The following TUSC3 variants were observed in gnomAD, a reference collection of about 807,000 sequenced individuals.
TUSC3 encodes tumor suppressor candidate 3.
TUSC3 carries 45 observed loss-of-function variants against 44.8 expected under a neutral mutation model. The ratio of observed to expected loss-of-function variants is 1.00; its 90% CI spans 0.79 to 1.29. The LOEUF (loss-of-function observed/expected upper bound fraction) is 1.29. Among genes scored for constraint, TUSC3 ranks in the 50% most tolerant of loss-of-function variants. The pLI is 0.00. For missense variants in TUSC3, 519 were observed against 437.9 expected (o/e 1.19, Z -1.65); for synonymous variants, 212 against 152.9 (o/e 1.39, Z -2.85).
At chr8:15,424,710 C>T (rs958434463) in intron 1 of TUSC3, among the ~76,000 whole-genome samples, 9 of 152,042 alleles carry the variant, frequency 5.9e-5, no homozygotes, top group Admixed American at 2.0e-4. Context: ...GAAACCCCGT[C>T]TCTACTAAAA....
intron 1 of TUSC3, among the ~76,000 whole-genome samples, chr8:15,465,284 A>T (rs993252849): frequency 2.0e-5 from 3 of 152,206 alleles, no homozygotes; most frequent in African/African-American, 7.2e-5. Flanking sequence ...TCTTAGTGTA[A>T]GGATAGAAGT....
intron 1 of TUSC3, among the ~76,000 whole-genome samples, chr8:15,459,875 T>TACATAC (rs1554503595): frequency 4.7e-5 from 7 of 148,178 alleles, no homozygotes; most frequent in Admixed American, 3.3e-4. Flanking sequence ...TGTGTGTGTG[T>TACATAC]ATACATACAT....
intron 2 of TUSC3, among the ~76,000 whole-genome samples, chr8:15,495,198 T>A (rs1285600761): frequency 6.6e-6 from 1 of 152,196 alleles, no homozygotes; most frequent in East Asian, 1.9e-4. Flanking sequence ...ACCCTTTAGA[T>A]AATAAAGAGT....
At chr8:15,466,409 T>A (rs1800415141) in intron 1 of TUSC3, among the ~76,000 whole-genome samples, 1 of 152,160 alleles carries the variant, frequency 6.6e-6, no homozygotes, top group Non-Finnish European at 1.5e-5. Context: ...GTTAATCTGG[T>A]ATTTTGAAAT....
chr8:15,716,832 A>T (rs1810079389), intron 6 of TUSC3, among the ~76,000 whole-genome samples: 1 of 152,082 alleles, frequency 6.6e-6, no homozygotes, highest in Non-Finnish European at 1.5e-5. Context: ...TCTACTATTT[A>T]TACGATTTTT....
intron 1 of TUSC3, among the ~76,000 whole-genome samples, chr8:15,469,623 G>A (rs1023033242): frequency 6.6e-6 from 1 of 152,188 alleles, no homozygotes; most frequent in African/African-American, 2.4e-5. Flanking sequence ...CTTACCATGT[G>A]ATTCAACAGT....
chr8:15,580,843 T>A (rs1803297896), intron 1 of TUSC3, among the ~76,000 whole-genome samples: 1 of 144,484 alleles, frequency 6.9e-6, no homozygotes, highest in South Asian at 2.2e-4. Context: ...TCCCTGTATT[T>A]CCTTAATCTG....
rs201534059 is a variant in TUSC3, at chr8:15,562,023, CCT to C, written c.138+21460_138+21461del. Among the ~76,000 whole-genome samples the C allele has an allele frequency of 6.6e-5, 10 of 152,236 alleles. No homozygotes were observed. In the East Asian group the frequency reaches 1.9e-3, roughly 29 times the overall value. ...CTGTTCCTATTCGGCCATCTTGGCT[CCT>C]CTCTTCAAAAATCAATTTTTAAGTA... On this transcript the variant is annotated intron_variant, in intron 1 of 10. Coordinates refer to ENST00000503731, the MANE Select transcript of TUSC3 (RefSeq NM_006765.4).
rs200099881 is a variant in TUSC3 at position 15,678,394 on chromosome 8, A to AT, written c.798+4567dup. On this transcript the variant is annotated intron_variant, in intron 6 of 10. Coordinates refer to ENST00000503731, the MANE Select transcript of TUSC3 (RefSeq NM_006765.4). ...TATTTACTACAATTTATATCAGTTTATTTTTTTTTAGTAGATTCCAAAGGA... is the reference window on the plus strand; with the variant it reads ...TATTTACTACAATTTATATCAGTTTATTTTTTTTTTAGTAGATTCCAAAGGA... Among the ~76,000 whole-genome samples, 523 of 151,412 alleles carry AT rather than the reference A, an allele frequency of 3.5e-3. 8 individuals carry two copies. In the East Asian group the frequency reaches 0.036, roughly 10 times the overall value.
At chr8:15,823,262 C>T in the TUSC3 span, among the ~76,000 whole-genome samples, 1 of 152,192 alleles carries the variant, frequency 6.6e-6, no homozygotes, top group East Asian at 1.9e-4. Context: ...CTATCATAGT[C>T]CTACTTTTCT....
intron 2 of TUSC3, among the ~76,000 whole-genome samples, chr8:15,639,261 G>A (rs984846636): frequency 2.6e-5 from 4 of 151,816 alleles, no homozygotes; most frequent in Non-Finnish European, 5.9e-5. Context: ...ATCATGTGTC[G>A]ATGCTAGATC....
intron 1 of TUSC3, among the ~76,000 whole-genome samples, chr8:15,620,449 T>C (rs1805194329): frequency 6.6e-6 from 1 of 152,210 alleles, no homozygotes; most frequent in African/African-American, 2.4e-5. Flanking sequence ...ACATTGATTT[T>C]TTTTAGTATT....
intron 1 of TUSC3, among the ~76,000 whole-genome samples, chr8:15,458,071 CATT>C (rs1175171593): frequency 1.3e-5 from 2 of 151,430 alleles, no homozygotes; most frequent in East Asian, 3.9e-4. Context: ...GATGCGTTAA[CATT>C]ATATCAACAG....
chr8:15,562,446 T>C (rs766845638), intron 1 of TUSC3, among the ~76,000 whole-genome samples: 34 of 152,158 alleles, frequency 2.2e-4, no homozygotes, highest in Non-Finnish European at 4.4e-4. Context: ...TATATTAGTT[T>C]TATATTGATG....
chr8:15,630,691 T>C (rs539314294), intron 2 of TUSC3, among the ~76,000 whole-genome samples: 6 of 152,284 alleles, frequency 3.9e-5, no homozygotes, highest in Non-Finnish European at 8.8e-5. Context: ...TGCTTTTGTG[T>C]TCCTAACCAA....
At position 15,448,108 on chromosome 8, in the gene TUSC3, C is replaced by CATATATATATATATATATATATATAT. The variant is rs376338237; in HGVS notation, n.91+30815_91+30816insATATATATATATATATATATATATAT. ...ATTCAACTGTATGGTAGTGTATATACATATATATATATTTATTTATTTATT... is the reference window on the plus strand; with the variant it reads ...ATTCAACTGTATGGTAGTGTATATACATATATATATATATATATATATATATATATATATATATTTATTTATTTATT... On this transcript the variant is annotated intron_variant and non_coding_transcript_variant, in intron 1 of 5. Transcript: ENST00000503191. 1.8e-4 allele frequency among the ~76,000 whole-genome samples: 17 copies of CATATATATATATATATATATATATAT among 96,456 alleles called. No homozygotes were observed. The South Asian group carries it at 2.2e-3, about 12-fold the overall frequency. 63.3% of individuals were successfully genotyped at this position (96,456 alleles called of 152,430 possible). A position where few individuals can be genotyped will look rare whatever the true frequency, so the allele number is the denominator to read the frequency against.
intron 6 of TUSC3, among the ~76,000 whole-genome samples, chr8:15,718,093 A>G (rs952487953): frequency 9.9e-5 from 15 of 152,178 alleles, no homozygotes; most frequent in African/African-American, 3.4e-4. Flanking sequence ...AGGGTTTTGA[A>G]TTACCTCTAA....
At chr8:15,667,221 T>G (rs1807702593) in intron 5 of TUSC3, among the ~76,000 whole-genome samples, 1 of 151,656 alleles carries the variant, frequency 6.6e-6, no homozygotes, top group Non-Finnish European at 1.5e-5. Context: ...AGACTTAGTC[T>G]TAAGCTTTTT....
chr8:15,805,684 A>G, the TUSC3 span, among the ~76,000 whole-genome samples: 13,720 of 152,224 alleles, frequency 0.09, 766 homozygotes, highest in Middle Eastern at 0.16. Context: ...CTACTTGATC[A>G]TGGTAAATTA....
Sources: gnomAD v4.1 joint callset for allele counts (sites outside exome capture counted in the v4.1 genomes callset) on GRCh38, gnomAD v4.1.1 for gene constraint, MANE v1.5 for transcripts, NCBI Gene and HGNC (gene_info 2026-07-23, HGNC 2026-07-21) for gene names.